TRPM2: variants seen among roughly 807,000 people sequenced by gnomAD.
TRPM2 encodes the protein transient receptor potential cation channel subfamily M member 2, also known as estrogen-responsive element-associated gene 1 protein.
Under a neutral mutation model 174.0 loss-of-function variants are expected in TRPM2, and 161 were observed. The ratio of observed to expected loss-of-function variants is 0.93; its 90% confidence interval spans 0.81 to 1.05. The LOEUF (loss-of-function observed/expected upper bound fraction) is 1.05, where lower values mean the gene tolerates loss of function less well. TRPM2 is among the 50% of genes least tolerant of loss of function. The pLI, the probability that TRPM2 is intolerant of heterozygous loss-of-function variation, is 0.00. For synonymous variants in TRPM2, 954 were observed against 861.3 expected (o/e 1.11, Z -1.88); for missense variants, 2,057 against 2,038.0 (o/e 1.01, Z -0.18).
chr21:44,402,018 G>A lies in TRPM2; in HGVS notation c.2538+121G>A. The stretch of plus-strand genomic sequence containing the variant: ...GCCTGCCCAGCTCCCTGCAAGCTGA[G>A]CAGAGCCGGTGTTTCCTCCCCAAAA... On this transcript the variant is annotated intron_variant, in intron 16 of 31. Coordinates refer to ENST00000397928, the MANE Select transcript of TRPM2 (RefSeq NM_003307.4). 3.4e-6 allele frequency: 4 copies of A among 1,168,450 alleles called. No individual in the cohort carries two copies. The Admixed American group carries it at 5.6e-5, about 16-fold the overall frequency. 72.4% of individuals were successfully genotyped at this position (1,168,450 alleles called of 1,614,324 possible).
chr21:44,375,546 A>G (rs1311468262), intron 5 of TRPM2, among the ~76,000 whole-genome samples: 2 of 152,038 alleles, frequency 1.3e-5, no homozygotes, highest in Non-Finnish European at 2.9e-5. Context: ...ACTTGTGGCT[A>G]TGTCACTTGC....
At chr21:44,430,417 C>CTTTT (rs1192354581) in intron 27 of TRPM2, among the ~76,000 whole-genome samples, 16 of 43,566 alleles carry the variant, frequency 3.7e-4, no homozygotes, top group Admixed American at 7.1e-4. Flanking sequence ...AAGTGGATTT[C>CTTTT]TTTTTTTTTT....
At chr21:44,359,175 T>C (rs4818713) in intron 2 of TRPM2, among the ~76,000 whole-genome samples, 11,329 of 104,086 alleles carry the variant, frequency 0.11, 1,663 homozygotes, top group African/African-American at 0.18. Context: ...TTACAGAGCA[T>C]GGCTTGGTCC....
intron 2 of TRPM2, among the ~76,000 whole-genome samples, chr21:44,362,928 C>T (rs2048258103): frequency 6.6e-6 from 1 of 152,116 alleles, no homozygotes; most frequent in Admixed American, 6.5e-5. Flanking sequence ...CTGCTGCCAC[C>T]ATGCCCAGCT....
intron 5 of TRPM2, among the ~76,000 whole-genome samples, chr21:44,373,624 A>T (rs1025772000): frequency 3.1e-5 from 4 of 127,480 alleles, no homozygotes; most frequent in South Asian, 2.3e-4. Context: ...TGCGACCTGC[A>T]TTATATGCGA....
rs753433368 is a variant in TRPM2, at chr21:44,375,867, A to T, written c.806A>T (p.Asp269Val). 2 of 1,613,948 alleles carry T rather than the reference A, an allele frequency of 1.2e-6. No homozygotes were observed. The highest frequency in any genetic ancestry group is 2.2e-5 in the South Asian group (2 of 91,082). The change falls in exon 6 of 32, where the codon GAT (aspartate) becomes GTT (valine). Residue 269 changes from aspartate (D) to valine (V), a missense_variant. Physicochemically the swap from Asp to Val is radical, Grantham distance 152 (BLOSUM62 -3). Coordinates refer to ENST00000397928, the MANE Select transcript of TRPM2 (RefSeq NM_003307.4). ...SFPAEYILDE[D>V]GQGNLTCLDS... ...CCCGCCGAGTACATACTGGATGAGG[A>T]TGGCCAAGGGAACCTGACCTGCCTA...
At chr21:44,362,477 C>T (rs2048243542) in intron 2 of TRPM2, among the ~76,000 whole-genome samples, 1 of 150,534 alleles carries the variant, frequency 6.6e-6, no homozygotes, top group East Asian at 1.9e-4. Flanking sequence ...GGCGCCACTG[C>T]ACTCTAGCCT....
chr21:44,357,990 C>T (rs948889844), intron 2 of TRPM2, among the ~76,000 whole-genome samples: 1 of 152,186 alleles, frequency 6.6e-6, no homozygotes, highest in African/African-American at 2.4e-5. Flanking sequence ...AAGACCAGGG[C>T]GGAACGAGTG....
At chr21:44,440,304 CAAAAA>C (rs1555907336) in intron 30 of TRPM2, among the ~76,000 whole-genome samples, 1 of 41,398 alleles carries the variant, frequency 2.4e-5, no homozygotes, top group Non-Finnish European at 5.4e-5. Context: ...CCACTGCGCT[CAAAAA>C]AAAAAAAAAA....
At chr21:44,386,807 G>C (rs1233469867) in intron 9 of TRPM2, among the ~76,000 whole-genome samples, 4 of 152,040 alleles carry the variant, frequency 2.6e-5, no homozygotes, top group Non-Finnish European at 5.9e-5. Context: ...TTTTGAAAGG[G>C]AAGAACAAAG....
At chr21:44,394,829 G>A (rs1268260573) in intron 11 of TRPM2, among the ~76,000 whole-genome samples, 2 of 152,216 alleles carry the variant, frequency 1.3e-5, no homozygotes, top group East Asian at 3.8e-4. Flanking sequence ...TGTACAGTAT[G>A]TGATGTGGGA....
chr21:44,403,645 G>GCACACATGCA (rs1332620713), intron 16 of TRPM2, among the ~76,000 whole-genome samples: 2 of 147,466 alleles, frequency 1.4e-5, no homozygotes, highest in Non-Finnish European at 3.0e-5. Context: ...ATACACACAT[G>GCACACATGCA]CACACATGCA....
In TRPM2 at chr21:44,438,961, G is replaced by A; in HGVS notation, c.4168-106G>A. 1.2e-6 allele frequency: 1 copy of A among 854,368 alleles called. No homozygotes were observed. Among genetic ancestry groups the A allele is most frequent in the Non-Finnish European group, 1.8e-6 (1 of 545,584 alleles). The allele number at this position is 854,368 out of a possible 1,614,324, so 52.9% of individuals were successfully genotyped here. A position where few individuals can be genotyped will look rare whatever the true frequency, so the allele number is the denominator to read the frequency against. ...CGCCTGCCTGTGGCTCCCAGGGCTG[G>A]GCCGCTGCCCACGCCGGGCAGGAGG... is the stretch of plus-strand genomic sequence containing the variant. On this transcript the variant is annotated intron_variant, in intron 29 of 31. Coordinates refer to ENST00000397928, the MANE Select transcript of TRPM2 (RefSeq NM_003307.4). This position sits in a 1 kb window ranked among gnomAD's most constrained non-coding sequence, Gnocchi z 5.9.
intron 5 of TRPM2, among the ~76,000 whole-genome samples, chr21:44,374,154 G>A (rs1274991404): frequency 6.6e-6 from 1 of 152,032 alleles, no homozygotes; most frequent in Non-Finnish European, 1.5e-5. Context: ...GGGATTACAG[G>A]CATGTGCCAC....
At chr21:44,353,404 G>T, upstream of TRPM2, 2 of 261,990 alleles carry the variant, frequency 7.6e-6, no homozygotes, top group Middle Eastern at 1.1e-3. Flanking sequence ...TTACCATTAT[G>T]AACGGCCGCT....
chr21:44,425,280 A>T (rs892714938), intron 24 of TRPM2: 2 of 387,988 alleles, frequency 5.2e-6, no homozygotes, highest in Non-Finnish European at 9.3e-6. Context: ...AGGCTGAGTG[A>T]CGAGAAGCAA....
intron 3 of TRPM2, among the ~76,000 whole-genome samples, chr21:44,365,142 T>G (rs58371572): frequency 6.6e-6 from 1 of 150,416 alleles, no homozygotes; most frequent in African/African-American, 2.5e-5. Flanking sequence ...TTCTGAGACT[T>G]GCGTGTTGAC....
rs899522506 is a variant in TRPM2 at position 44,425,153 on chromosome 21, G to T, written c.3637+214G>T. On this transcript the variant is annotated intron_variant, in intron 24 of 31. Coordinates refer to ENST00000397928, the MANE Select transcript of TRPM2 (RefSeq NM_003307.4). ...CCCGCCCAATCCCTGACCTGACCTG[G>T]TTCCTGGACGTCCACGGGGAGGCCT... 17 of 556,650 alleles carry T rather than the reference G, an allele frequency of 3.1e-5. No individual in the cohort carries two copies. In the African/African-American group the frequency reaches 3.2e-4, roughly 11 times the overall value. The allele number at this position is 556,650 out of a possible 1,614,324, so 34.5% of individuals were successfully genotyped here.
rs1254346133 is a variant in TRPM2 at position 44,375,894 on chromosome 21, A to G, written c.833A>G (p.Asp278Gly). Residue 278 changes from aspartate (D) to glycine (G), a missense_variant, in exon 6 of 32, where the codon GAC becomes GGC. Physicochemically the swap from Asp to Gly is moderately conservative, Grantham distance 94. Transcript: ENST00000397928. ...EDGQGNLTCL[D>G]SNHSHFILVD... ...GGCCAAGGGAACCTGACCTGCCTAG[A>G]CAGCAACCACTCTCACTTCATCCTC... The G allele has an allele frequency of 1.2e-6, 2 of 1,614,058 alleles. No homozygotes were observed. The highest frequency in any genetic ancestry group is 1.3e-5 in the African/African-American group (1 of 75,052).
Sources: gnomAD v4.1 joint callset for allele counts (sites outside exome capture counted in the v4.1 genomes callset) on GRCh38, gnomAD v4.1.1 for gene constraint, Gnocchi (gnomAD v3.1) non-coding constraint, MANE v1.5 for transcripts, NCBI Gene and HGNC (gene_info 2026-07-23, HGNC 2026-07-21) for gene names.